Variants in TRIP11 observed in about 807,000 individuals in gnomAD.
TRIP11 encodes thyroid receptor-interacting protein 11.
In TRIP11, 148 loss-of-function variants were observed where a neutral mutation model predicts 223.1. The ratio of observed to expected loss-of-function variants is 0.66; its 90% CI spans 0.58 to 0.76. The LOEUF is 0.76. Among genes scored for constraint, TRIP11 ranks in the 30% least tolerant of loss-of-function variants. TRIP11 has a pLI of 0.00. For synonymous variants in TRIP11, 762 were observed against 772.6 expected (o/e 0.99, Z 0.23); for missense variants, 2,043 against 2,222.0 (o/e 0.92, Z 1.62).
chr14:92,018,441 G>C (rs1235060882), intron 4 of TRIP11, among the ~76,000 whole-genome samples: 1 of 151,238 alleles, frequency 6.6e-6, no homozygotes, highest in African/African-American at 2.4e-5. Context: ...ATAATCTTTG[G>C]TTTAATAAAT....
chr14:91,999,505 A>G, intron 12 of TRIP11, 72 bp from the exon 13 acceptor site: 1 of 1,481,976 alleles, frequency 6.7e-7, no homozygotes, highest in South Asian at 1.2e-5. Context: ...TTGTTATCAA[A>G]TCTTTTTCCC....
At position 92,039,886 on chromosome 14, in the gene TRIP11, G is replaced by C. The variant is rs926002421; in HGVS notation, c.-201C>G. The C allele has an allele frequency of 2.0e-5, 21 of 1,042,758 alleles. No homozygotes were observed. In the African/African-American group the frequency reaches 2.9e-4, roughly 14 times the overall value. 64.6% of individuals were successfully genotyped at this position (1,042,758 alleles called of 1,614,324 possible). On this transcript the variant is annotated 5_prime_UTR_variant, in exon 1 of 21. Transcript: ENST00000267622. The stretch of plus-strand genomic sequence containing the variant: ...TGGCCTGGAATTTTACCAGGGGCCC[G>C]CCTCTAGTGACACAGTCACCTACGG...
At chr14:91,984,321 T>TC (rs200369985) in intron 16 of TRIP11, among the ~76,000 whole-genome samples, 4 of 143,496 alleles carry the variant, frequency 2.8e-5, no homozygotes, top group African/African-American at 1.2e-4. Flanking sequence ...TCTTTTCTTT[T>TC]TTTTTTTTTT....
intron 1 of TRIP11, among the ~76,000 whole-genome samples, chr14:92,035,581 A>AT (rs200927283): frequency 0.043 from 5,073 of 117,812 alleles, 133 homozygotes; most frequent in Non-Finnish European, 0.053. Context: ...TTATTTATTT[A>AT]TTTATTTTTT....
intron 7 of TRIP11, among the ~76,000 whole-genome samples, chr14:92,013,611 A>C (rs1247766420): frequency 6.6e-6 from 1 of 152,260 alleles, no homozygotes; most frequent in African/African-American, 2.4e-5. Flanking sequence ...GGAAGGACTA[A>C]GGCAGTGGGT....
chr14:91,993,476 CAAAA>C (rs59244424), intron 15 of TRIP11, among the ~76,000 whole-genome samples: 16 of 51,776 alleles, frequency 3.1e-4, no homozygotes, highest in African/African-American at 7.0e-4. Flanking sequence ...AACTCGGTCT[CAAAA>C]AAAAAAAAAA....
At chr14:92,027,352 G>A (rs561888283) in intron 2 of TRIP11, among the ~76,000 whole-genome samples, 16 of 151,918 alleles carry the variant, frequency 1.1e-4, no homozygotes, top group Non-Finnish European at 1.5e-4. Context: ...ATCTTATTCC[G>A]AGCATTCCAA....
chr14:91,979,918 T>G (rs570957380), intron 16 of TRIP11, among the ~76,000 whole-genome samples: 12 of 152,144 alleles, frequency 7.9e-5, no homozygotes, highest in African/African-American at 2.7e-4. Context: ...AGAAATGAGT[T>G]TTAAGCCAAA....
In TRIP11 at chr14:92,037,394, A is replaced by G. The variant is rs1405550150; in HGVS notation, c.139+2153T>C. Among the ~76,000 whole-genome samples, 1 of 152,234 alleles carries G rather than the reference A, an allele frequency of 6.6e-6. No individual in the cohort carries two copies. Among genetic ancestry groups the G allele is most frequent in the Admixed American group, 6.5e-5 (1 of 15,286 alleles). On this transcript the variant is annotated intron_variant, in intron 1 of 20. Coordinates refer to ENST00000267622, the MANE Select transcript of TRIP11 (RefSeq NM_004239.4). The surrounding 1 kb of genome is among the most constrained non-coding windows in gnomAD (Gnocchi z 4.2). ...GGTTCACCAAGTACTTAAGTACCTG[A>G]CATATGAGCAGGGTTGTACAGGAGA...
At chr14:92,024,296 G>A (rs780815800) in intron 3 of TRIP11, among the ~76,000 whole-genome samples, 4 of 151,556 alleles carry the variant, frequency 2.6e-5, no homozygotes, top group South Asian at 2.1e-4. Context: ...TGCTTGAACC[G>A]GGATGCAGAG....
rs201102648 is a variant in TRIP11, at chr14:92,008,133, G to A, written c.1315-281C>T. On this transcript the variant is annotated intron_variant, in intron 9 of 20. Coordinates refer to ENST00000267622, the MANE Select transcript of TRIP11 (RefSeq NM_004239.4). ...CACCAAGTTCTTCTTTATAAAAAAC[G>A]TTCCCATTTGAGAGCCTCTCCTATC... Among the ~76,000 whole-genome samples, 5 of 152,140 alleles carry A rather than the reference G, an allele frequency of 3.3e-5. No individual in the cohort carries two copies. In the East Asian group the frequency reaches 5.8e-4, roughly 18 times the overall value.
rs146746460 is a variant in TRIP11 at position 92,005,700 on chromosome 14, A to C, written c.2276T>G (p.Leu759Arg). ...GAGTTTAATTAAATGCTCATGTTCC[A>C]GCTGTAAGGCAGAGGTATTCAAATT... ...ARNLNTSALQ[L>R]EHEHLIKLNQ... The change falls in exon 11 of 21, where the codon CTG becomes CGG. Residue 759 changes from leucine to arginine, a missense_variant. Coordinates refer to ENST00000267622, the MANE Select transcript of TRIP11 (RefSeq NM_004239.4). The C allele has an allele frequency of 6.2e-7, 1 of 1,613,922 alleles. No individual in the cohort carries two copies. The highest frequency in any genetic ancestry group is 8.5e-7 in the Non-Finnish European group (1 of 1,180,016).
At position 92,033,504 on chromosome 14, in the gene TRIP11, G is replaced by A. The variant is rs7143499; in HGVS notation, c.140-251C>T. On this transcript the variant is annotated intron_variant, in intron 1 of 20. Transcript: ENST00000267622. ...ATGTCTACCTTTACCCCTTAGAAATGTTCATTAGAATTTTGTTGTGGGAAA... is the reference window on the plus strand; with the variant it reads ...ATGTCTACCTTTACCCCTTAGAAATATTCATTAGAATTTTGTTGTGGGAAA... Among the ~76,000 whole-genome samples the A allele has an allele frequency of 0.25, 38,355 of 151,792 alleles. 4,902 individuals are homozygous for A. Among genetic ancestry groups the A allele is most frequent in the East Asian group, 0.34 (1,736 of 5,156 alleles).
Position 92,015,692 on chromosome 14 carries a change from TA to T in TRIP11, c.823+3del. Reference sequence around the variant, plus strand: ...AATAATAATAAAGAAATAAAACTAATAACCTTGTTGTAACAGATTTTCAAGT... The same window carrying T: ...AATAATAATAAAGAAATAAAACTAATACCTTGTTGTAACAGATTTTCAAGT... On this transcript the variant is annotated splice_donor_region_variant and intron_variant, in intron 6 of 20. Coordinates refer to ENST00000267622, the MANE Select transcript of TRIP11 (RefSeq NM_004239.4). 1 of 1,602,470 alleles carries T rather than the reference TA, an allele frequency of 6.2e-7. No individual in the cohort carries two copies. The highest frequency in any genetic ancestry group is 8.5e-7 in the Non-Finnish European group (1 of 1,174,326).
Position 91,969,312 on chromosome 14 carries a change from A to C in TRIP11, c.*361T>G, listed in dbSNP as rs1452841028. On this transcript the variant is annotated 3_prime_UTR_variant, in exon 21 of 21. Coordinates refer to ENST00000267622, the MANE Select transcript of TRIP11 (RefSeq NM_004239.4). Reference sequence around the variant, plus strand: ...TTTAAAAAAAAAAAACACTCTCTTGATAAACCACAATCTCTAGCTTAAATG... The same window carrying C: ...TTTAAAAAAAAAAAACACTCTCTTGCTAAACCACAATCTCTAGCTTAAATG... 1 of 322,340 alleles carries C rather than the reference A, an allele frequency of 3.1e-6. No homozygotes were observed. 20.0% of individuals were successfully genotyped at this position (322,340 alleles called of 1,614,324 possible). A position where few individuals can be genotyped will look rare whatever the true frequency, so the allele number is the denominator to read the frequency against.
chr14:92,013,058 A>G (rs2056991873), intron 7 of TRIP11, among the ~76,000 whole-genome samples: 2 of 152,122 alleles, frequency 1.3e-5, no homozygotes, highest in Admixed American at 6.5e-5. Flanking sequence ...CATGAGGTCA[A>G]GAGATCGAGA....
chr14:91,983,886 T>C (rs2056572967), intron 16 of TRIP11, among the ~76,000 whole-genome samples: 1 of 152,244 alleles, frequency 6.6e-6, no homozygotes, highest in Non-Finnish European at 1.5e-5. Flanking sequence ...ATAAAAACTT[T>C]ACCATCCAGC....
intron 3 of TRIP11, among the ~76,000 whole-genome samples, chr14:92,022,550 C>A (rs910368): frequency 0.23 from 35,119 of 152,036 alleles, 4,167 homozygotes; most frequent in East Asian, 0.34. Flanking sequence ...TGACTAAAGG[C>A]GGGTAAGTCA....
At chr14:91,972,971 C>A in intron 19 of TRIP11, 110 bp from the exon 20 acceptor site, 1 of 911,090 alleles carries the variant, frequency 1.1e-6, no homozygotes, top group Non-Finnish European at 1.6e-6. Context: ...AATCATGCCA[C>A]TTGAATAATT....
Sources: allele counts gnomAD v4.1 joint callset (sites outside exome capture counted in the v4.1 genomes callset), GRCh38; gene constraint gnomAD v4.1.1; non-coding constraint Gnocchi (gnomAD v3.1); transcripts MANE v1.5; gene names NCBI Gene and HGNC (gene_info 2026-07-23, HGNC 2026-07-21).